The following TCF3 variants were observed in gnomAD, a reference collection of about 807,000 sequenced individuals.
The protein encoded by TCF3 is transcription factor E2-alpha.
Under a neutral mutation model 72.3 loss-of-function variants are expected in TCF3, and 54 were observed. The observed-to-expected ratio is 0.75, with a 90% CI of 0.60 to 0.94. The LOEUF is 0.94. TCF3 is among the 40% of genes least tolerant of loss of function. TCF3 has a pLI of 0.00. For synonymous variants in TCF3, 525 were observed against 412.6 expected, an observed-to-expected ratio of 1.27 and a Z score of -3.30; for missense variants, 1,078 against 934.4, an observed-to-expected ratio of 1.15 and a Z score of -2.00.
intron 5 of TCF3, among the ~76,000 whole-genome samples, chr19:1,631,030 G>T (rs979140830): frequency 1.3e-5 from 2 of 152,210 alleles, no homozygotes; most frequent in Admixed American, 6.5e-5. Flanking sequence ...CCCAAGCGTC[G>T]GTTCGTTCCC....
At chr19:1,630,754 T>G (rs149504691) in intron 5 of TCF3, among the ~76,000 whole-genome samples, 1 of 152,134 alleles carries the variant, frequency 6.6e-6, no homozygotes. Context: ...GGCAGGAGGC[T>G]GACCACGACA....
At chr19:1,652,208 C>T (rs897384145) in intron 1 of TCF3, 92 bp downstream of exon 1, 10 of 148,494 alleles carry the variant, frequency 6.7e-5, no homozygotes, top group African/African-American at 2.5e-4. Flanking sequence ...CTCCGCGCCC[C>T]CCCCCAACAA....
chr19:1,626,159 T>C (rs1198856033), intron 6 of TCF3, among the ~76,000 whole-genome samples: 2 of 152,136 alleles, frequency 1.3e-5, no homozygotes, highest in Admixed American at 6.5e-5. Flanking sequence ...CTGCATTTCA[T>C]CCGTTCTAAG....
intron 1 of TCF3, among the ~76,000 whole-genome samples, chr19:1,652,080 C>G (rs1374752933): frequency 1.3e-5 from 2 of 150,430 alleles, no homozygotes; most frequent in African/African-American, 4.9e-5. Flanking sequence ...GGGGGCGACG[C>G]GGGCCTGGCG....
intron 6 of TCF3, among the ~76,000 whole-genome samples, chr19:1,626,539 C>T (rs972311440): frequency 2.0e-5 from 3 of 152,138 alleles, no homozygotes; most frequent in Non-Finnish European, 2.9e-5. Flanking sequence ...TCCCGAGGCC[C>T]GGCCTGTCCT....
chr19:1,631,962 C>T (rs755613229), intron 5 of TCF3, 76 bp downstream of exon 5: 48 of 1,564,680 alleles, frequency 3.1e-5, no homozygotes, highest in East Asian at 1.7e-4. Flanking sequence ...TGGCGCTGTG[C>T]GTGCACTGAC....
At chr19:1,633,844 G>A (rs1163475022) in intron 3 of TCF3, among the ~76,000 whole-genome samples, 3 of 152,198 alleles carry the variant, frequency 2.0e-5, no homozygotes, top group Non-Finnish European at 4.4e-5. Context: ...TGAGGCCAGG[G>A]TGGGCTGGCT....
Position 1,609,731 on chromosome 19 carries a change from A to C in TCF3, c.*1976T>G, listed in dbSNP as rs914095428. The C allele has an allele frequency of 3.1e-5, 7 of 227,962 alleles. No homozygotes were observed. The highest frequency in any genetic ancestry group is 5.7e-5 in the Admixed American group (1 of 17,448). The allele number at this position is 227,962 out of a possible 1,614,324, so 14.1% of individuals were successfully genotyped here. ...AGCCCCTCCCCTCCGCCTGGCCTGGACTGGGGGCAGATACCAGGCATTGAG... is the reference window on the plus strand; with the variant it reads ...AGCCCCTCCCCTCCGCCTGGCCTGGCCTGGGGGCAGATACCAGGCATTGAG... On this transcript the variant is annotated 3_prime_UTR_variant, in exon 19 of 19. Transcript: ENST00000262965.
intron 3 of TCF3, among the ~76,000 whole-genome samples, chr19:1,635,139 C>T (rs1272971144): frequency 2.0e-5 from 3 of 152,236 alleles, no homozygotes; most frequent in Admixed American, 6.5e-5. Context: ...CCCTCAGGCA[C>T]ACCACCAGGT....
intron 2 of TCF3, among the ~76,000 whole-genome samples, chr19:1,649,344 G>C (rs568324896): frequency 6.6e-6 from 1 of 152,352 alleles, no homozygotes; most frequent in African/African-American, 2.4e-5. Context: ...CCCACCAGGG[G>C]AGTCCCGTAT....
At chr19:1,626,540 G>A (rs919245573) in intron 6 of TCF3, among the ~76,000 whole-genome samples, 3 of 152,114 alleles carry the variant, frequency 2.0e-5, no homozygotes, top group South Asian at 2.1e-4. Context: ...CCCGAGGCCC[G>A]GCCTGTCCTG....
intron 8 of TCF3, among the ~76,000 whole-genome samples, chr19:1,623,238 T>C (rs1475114594): frequency 6.6e-6 from 1 of 151,906 alleles, no homozygotes; most frequent in Non-Finnish European, 1.5e-5. Context: ...AATCGGCAAA[T>C]TCCCTCTCCC....
intron 2 of TCF3, among the ~76,000 whole-genome samples, chr19:1,647,998 G>A (rs983024328): frequency 6.6e-6 from 1 of 152,090 alleles, no homozygotes; most frequent in African/African-American, 2.4e-5. Context: ...CTTCATTCCT[G>A]AAGCCCCTGA....
intron 7 of TCF3, among the ~76,000 whole-genome samples, chr19:1,625,375 G>A (rs540065530): frequency 2.6e-5 from 4 of 152,226 alleles, no homozygotes; most frequent in Non-Finnish European, 5.9e-5. Flanking sequence ...CCTCTCCCTG[G>A]ACGTGCCACG....
chr19:1,634,873 G>C (rs566675740), intron 3 of TCF3, among the ~76,000 whole-genome samples: 1 of 152,230 alleles, frequency 6.6e-6, no homozygotes, highest in East Asian at 1.9e-4. Context: ...TGCTTTTGCT[G>C]CAACAGTAGA....
intron 13 of TCF3, among the ~76,000 whole-genome samples, chr19:1,620,419 G>A (rs1472348526): frequency 6.6e-6 from 1 of 152,170 alleles, no homozygotes; most frequent in African/African-American, 2.4e-5. Flanking sequence ...GCCCTCCCAT[G>A]CCGGAGCACC....
rs1233285161 is a variant in TCF3 at position 1,652,552 on chromosome 19, T to G, written c.-292A>C. 4 of 142,822 alleles carry G rather than the reference T, an allele frequency of 2.8e-5. No individual in the cohort carries two copies. The highest frequency in any genetic ancestry group is 6.2e-5 in the Non-Finnish European group (4 of 64,880). 8.8% of individuals were successfully genotyped at this position (142,822 alleles called of 1,614,324 possible). A position where few individuals can be genotyped will look rare whatever the true frequency, so the allele number is the denominator to read the frequency against. On this transcript the variant is annotated 5_prime_UTR_variant, in exon 1 of 19. Coordinates refer to ENST00000262965, the MANE Select transcript of TCF3 (RefSeq NM_003200.5). ...CCGCGGTGCCCGCCGCCGCGTCGGCTCCGGCCCGCTACGCCCGCAGCCGCC... is the reference window on the plus strand; with the variant it reads ...CCGCGGTGCCCGCCGCCGCGTCGGCGCCGGCCCGCTACGCCCGCAGCCGCC...
At position 1,625,725 on chromosome 19, in the gene TCF3, G is replaced by A. The variant is rs2062801827; in HGVS notation, c.367-17C>T. 3.4e-6 allele frequency: 5 copies of A among 1,483,650 alleles called. No homozygotes were observed. The highest frequency in any genetic ancestry group is 4.5e-6 in the Non-Finnish European group (5 of 1,122,780). 91.9% of individuals were successfully genotyped at this position (1,483,650 alleles called of 1,614,324 possible). On this transcript the variant is annotated splice_polypyrimidine_tract_variant and intron_variant, in intron 6 of 18. Transcript: ENST00000262965. ...GAAGCCAGCCTGGTGGGGAGCGGAT[G>A]GTCAGAAAGCGCCCAGCTGGCATCC...
intron 7 of TCF3, 150 bp downstream of exon 7, chr19:1,625,426 C>G: frequency 2.8e-6 from 3 of 1,086,152 alleles, no homozygotes; most frequent in Middle Eastern, 3.3e-4. Context: ...CCGTCCATCC[C>G]TCCCACGGCC....
Sources: gnomAD v4.1 joint callset for allele counts (sites outside exome capture counted in the v4.1 genomes callset) on GRCh38, gnomAD v4.1.1 for gene constraint, MANE v1.5 for transcripts, NCBI Gene and HGNC (gene_info 2026-07-23, HGNC 2026-07-21) for gene names.